The following GSE1 variants were observed in gnomAD, a reference collection of about 807,000 sequenced individuals.
The protein encoded by GSE1 is genetic suppressor element 1.
Under a neutral mutation model 112.6 loss-of-function variants are expected in GSE1, and 32 were observed. The observed-to-expected ratio is 0.28, with a 90% CI of 0.21 to 0.38. The LOEUF (loss-of-function observed/expected upper bound fraction) is 0.38, where lower values mean the gene tolerates loss of function less well. Among genes scored for constraint, GSE1 ranks in the 10% least tolerant of loss-of-function variants. The pLI, the probability that GSE1 is intolerant of heterozygous loss-of-function variation, is 1.00. For missense variants in GSE1, 2,348 were observed against 1,699.2 expected (o/e 1.38, Z -6.71); for synonymous variants, 1,115 against 735.6 (o/e 1.52, Z -8.35).
At chr16:85,237,032 G>T (rs1904735634) in intron 1 of GSE1, among the ~76,000 whole-genome samples, 1 of 152,238 alleles carries the variant, frequency 6.6e-6, no homozygotes, top group African/African-American at 2.4e-5. Flanking sequence ...GAGACTTCCA[G>T]AAAGAATAAT....
At chr16:85,208,683 A>G (rs1209824374) in intron 1 of GSE1, among the ~76,000 whole-genome samples, 8 of 148,988 alleles carry the variant, frequency 5.4e-5, no homozygotes, top group African/African-American at 2.0e-4. Flanking sequence ...TTTTTGAATG[A>G]CTTTTTAAAA....
At chr16:85,494,948 C>A (rs1015684065) in intron 2 of GSE1, among the ~76,000 whole-genome samples, 1 of 152,146 alleles carries the variant, frequency 6.6e-6, no homozygotes, top group African/African-American at 2.4e-5. Context: ...CGGACTCCTG[C>A]TGCTTGGAAA....
At chr16:85,611,204 G>T (rs1362631394), upstream of GSE1, among the ~76,000 whole-genome samples, 2 of 152,144 alleles carry the variant, frequency 1.3e-5, no homozygotes, top group Non-Finnish European at 2.9e-5. Flanking sequence ...TCCCGGAGGT[G>T]AATTTTGTTT....
intron 2 of GSE1, among the ~76,000 whole-genome samples, chr16:85,368,319 T>C (rs1251770409): frequency 6.6e-6 from 1 of 152,308 alleles, no homozygotes; most frequent in East Asian, 1.9e-4. Context: ...CTGGGAGAGT[T>C]CTGAAGGTCA....
At chr16:85,544,341 G>A (rs1264356566) in intron 2 of GSE1, among the ~76,000 whole-genome samples, 1 of 152,168 alleles carries the variant, frequency 6.6e-6, no homozygotes, top group Admixed American at 6.5e-5. Context: ...CCATTCTACT[G>A]AATACCCCAT....
intron 2 of GSE1, among the ~76,000 whole-genome samples, chr16:85,365,111 C>T (rs1348977972): frequency 6.6e-6 from 1 of 152,160 alleles, no homozygotes; most frequent in African/African-American, 2.4e-5. Context: ...GTGGGAAGCC[C>T]CTTACTTCTG....
At chr16:85,587,168 A>ACC (rs71153805) in intron 1 of GSE1, among the ~76,000 whole-genome samples, 54 of 116,798 alleles carry the variant, frequency 4.6e-4, no homozygotes, top group East Asian at 2.0e-3. Flanking sequence ...TGAGGACGAA[A>ACC]CCCCCCCCCC....
At chr16:85,527,428 G>C (rs921661768) in intron 2 of GSE1, among the ~76,000 whole-genome samples, 2 of 152,288 alleles carry the variant, frequency 1.3e-5, no homozygotes, top group Non-Finnish European at 2.9e-5. Flanking sequence ...CGGGATTACC[G>C]GGGAGGCAGG....
rs542813011 is a variant in GSE1 at position 85,202,810 on chromosome 16, C to T, written c.2283+31003C>T. Reference sequence around the variant, plus strand: ...CTGTGCTTCCAGGCCCAGCGTGGAGCCAGGCCTGGCCAAGGGGGAGCGGAG... The same window carrying T: ...CTGTGCTTCCAGGCCCAGCGTGGAGTCAGGCCTGGCCAAGGGGGAGCGGAG... On this transcript the variant is annotated intron_variant, in intron 1 of 2. Transcript: ENST00000637419. Among the ~76,000 whole-genome samples the T allele has an allele frequency of 3.2e-3, 494 of 152,322 alleles. 5 individuals carry two copies. The highest frequency in any genetic ancestry group is 4.8e-3 in the Non-Finnish European group (328 of 68,008).
chr16:85,333,792 G>A (rs539747997), intron 1 of GSE1, among the ~76,000 whole-genome samples: 7 of 152,050 alleles, frequency 4.6e-5, no homozygotes, highest in Admixed American at 3.9e-4. Flanking sequence ...CATCCCATTG[G>A]GCCACTTCCC....
chr16:85,561,771 G>C (rs2045532072), intron 1 of GSE1, among the ~76,000 whole-genome samples: 1 of 152,268 alleles, frequency 6.6e-6, no homozygotes, highest in Non-Finnish European at 1.5e-5. Flanking sequence ...GCTTGCAGGA[G>C]GCTGAGGCTT....
At position 85,536,283 on chromosome 16, in the gene GSE1, G is replaced by A. The variant is rs574334281; in HGVS notation, c.2465-97631G>A. Among the ~76,000 whole-genome samples the A allele has an allele frequency of 3.3e-5, 5 of 152,322 alleles. No homozygotes were observed. In the East Asian group the frequency reaches 9.7e-4, roughly 29 times the overall value. ...GGGTGGTGCTCAGGAGGTGTCGACTGGGGCTCCTCTGAAAAGGAGAGGCTG... is the reference window on the plus strand; with the variant it reads ...GGGTGGTGCTCAGGAGGTGTCGACTAGGGCTCCTCTGAAAAGGAGAGGCTG... On this transcript the variant is annotated intron_variant, in intron 2 of 2. Coordinates refer to the GSE1 transcript ENST00000637419.
At chr16:85,495,050 G>A (rs1219250326) in intron 2 of GSE1, among the ~76,000 whole-genome samples, 1 of 152,232 alleles carries the variant, frequency 6.6e-6, no homozygotes, top group Non-Finnish European at 1.5e-5. Context: ...CAGGCTGGTA[G>A]CCTTCCTATG....
rs560558902 is a variant in GSE1, at chr16:85,666,056, G to A, written c.2839G>A (p.Ala947Thr). ...AASLSDIPKAAEPGKLEQVRP... is the reference protein window; with the variant it reads ...AASLSDIPKATEPGKLEQVRP... ...TTCCTTGTCTGACATCCCAAAGGCC[G>A]CGGAGCCTGGGAAGCTGGAACAGGT... is the stretch of plus-strand genomic sequence containing the variant. Residue 947 changes from alanine to threonine, a missense_variant, in exon 13 of 16, where the codon GCG (alanine) becomes ACG (threonine). Ala to Thr is a moderately conservative substitution (Grantham distance 58). Coordinates refer to ENST00000253458, the MANE Select transcript of GSE1 (RefSeq NM_014615.5). 3.2e-5 allele frequency: 51 copies of A among 1,613,548 alleles called. No individual in the cohort carries two copies. The highest frequency in any genetic ancestry group is 1.2e-4 in the African/African-American group (9 of 75,068).
At chr16:85,349,082 T>C (rs2046801479) in intron 1 of GSE1, among the ~76,000 whole-genome samples, 1 of 152,240 alleles carries the variant, frequency 6.6e-6, no homozygotes, top group African/African-American at 2.4e-5. Context: ...AATTAGTCCC[T>C]GATTACTCAT....
intron 1 of GSE1, among the ~76,000 whole-genome samples, chr16:85,231,994 C>T (rs1379529087): frequency 6.6e-6 from 1 of 152,220 alleles, no homozygotes; most frequent in Admixed American, 6.5e-5. Context: ...GCCCCCCTGC[C>T]GCTGTTTAGG....
Position 85,654,939 on chromosome 16 carries a change from T to C in GSE1, c.745T>C (p.Tyr249His). ...LGLDPATAAA[Y>H]YHPSYLAPHP... ...CCTGGACCCGGCCACTGCTGCAGCC[T>C]ACTACCACCCCAGCTACCTGGCCCC... The change falls in exon 5 of 16, where the codon TAC becomes CAC. Residue 249 changes from tyrosine (Y) to histidine (H), a missense_variant. By Grantham distance (83) the Tyr-to-His change is moderately conservative. Transcript: ENST00000253458. The C allele has an allele frequency of 1.9e-6, 3 of 1,610,428 alleles. No individual in the cohort carries two copies. Among genetic ancestry groups the C allele is most frequent in the East Asian group, 2.2e-5 (1 of 44,850 alleles).
At chr16:85,460,353 C>G (rs1392167849) in intron 2 of GSE1, among the ~76,000 whole-genome samples, 1 of 152,168 alleles carries the variant, frequency 6.6e-6, no homozygotes, top group African/African-American at 2.4e-5. Context: ...GCGGCCCAGC[C>G]TGGTATTTTC....
intron 1 of GSE1, among the ~76,000 whole-genome samples, chr16:85,590,260 ATGAG>A (rs1366018741): frequency 2.0e-5 from 3 of 147,608 alleles, no homozygotes; most frequent in African/African-American, 5.0e-5. Flanking sequence ...CCGCGTGTGA[ATGAG>A]TGTGAACTTG....
Sources: gnomAD v4.1 joint callset for allele counts (sites outside exome capture counted in the v4.1 genomes callset) on GRCh38, gnomAD v4.1.1 for gene constraint, MANE v1.5 for transcripts, NCBI Gene and HGNC (gene_info 2026-07-23, HGNC 2026-07-21) for gene names.